VAMP7: variants seen among roughly 807,000 people sequenced by gnomAD.
The protein encoded by VAMP7 is vesicle-associated membrane protein 7.
Under a neutral mutation model 29.6 loss-of-function variants are expected in VAMP7, and 14 were observed. The observed-to-expected ratio is 0.47, with a 90% CI of 0.31 to 0.74. The LOEUF (loss-of-function observed/expected upper bound fraction) is 0.74, where lower values mean the gene tolerates loss of function less well. VAMP7 is among the 30% of genes least tolerant of loss of function. The probability of loss-of-function intolerance (pLI) is 0.05; values close to 1 mark genes in which losing one functional copy is unlikely to be tolerated. For missense variants in VAMP7, 223 were observed against 262.4 expected (o/e 0.85, Z 1.04); for synonymous variants, 95 against 88.1 (o/e 1.08, Z -0.44).
At chrX:155,910,542 A>G (rs1473353808) in intron 5 of VAMP7, among the ~76,000 whole-genome samples, 2 of 149,878 alleles carry the variant, frequency 1.3e-5, no homozygotes, top group Non-Finnish European at 3.0e-5. Flanking sequence ...ACTGGTTTCC[A>G]TAGTAGCTGC....
intron 5 of VAMP7, among the ~76,000 whole-genome samples, chrX:155,915,312 A>G (rs1364639184): frequency 6.6e-6 from 1 of 152,112 alleles, no homozygotes; most frequent in Non-Finnish European, 1.5e-5. Context: ...TCAAAAAACC[A>G]GCTCCTGGAT....
intron 5 of VAMP7, among the ~76,000 whole-genome samples, chrX:155,902,650 C>T (rs1380766438): frequency 7.2e-5 from 11 of 151,988 alleles, no homozygotes; most frequent in East Asian, 1.9e-4. Context: ...TCTTTGGTTC[C>T]GTTTATATGC....
chrX:155,935,947 G>T (rs1338028729), intron 6 of VAMP7, among the ~76,000 whole-genome samples: 3 of 152,100 alleles, frequency 2.0e-5, no homozygotes, highest in Non-Finnish European at 2.9e-5. Context: ...AGGTCTGTTG[G>T]AGTTTGTCGG....
intron 7 of VAMP7, among the ~76,000 whole-genome samples, chrX:155,940,842 A>G (rs1389896169): frequency 6.6e-6 from 1 of 152,164 alleles, no homozygotes; most frequent in African/African-American, 2.4e-5. Flanking sequence ...CTATTCATTA[A>G]TAAACAGAAT....
intron 5 of VAMP7, 62 bp downstream of exon 5, chrX:155,900,649 GT>G: frequency 6.9e-7 from 1 of 1,446,928 alleles, no homozygotes; most frequent in Non-Finnish European, 9.5e-7. Context: ...CTTGACTGGG[GT>G]CAAATTATTC....
chrX:155,923,456 G>A (rs1426793900), intron 6 of VAMP7, among the ~76,000 whole-genome samples: 2 of 151,284 alleles, frequency 1.3e-5, no homozygotes, highest in African/African-American at 4.9e-5. Flanking sequence ...TTTTCACTGA[G>A]TATAGAATTC....
intron 1 of VAMP7, among the ~76,000 whole-genome samples, chrX:155,885,833 G>A (rs1392813219): frequency 6.6e-6 from 1 of 152,172 alleles, no homozygotes; most frequent in African/African-American, 2.4e-5. Context: ...AGGTTTCAGA[G>A]GGAGCATAAC....
At chrX:155,903,968 A>G (rs1207694498) in intron 5 of VAMP7, among the ~76,000 whole-genome samples, 2 of 152,050 alleles carry the variant, frequency 1.3e-5, no homozygotes, top group Non-Finnish European at 2.9e-5. Context: ...ATGTCCAACA[A>G]TGATAGACTG....
intron 5 of VAMP7, among the ~76,000 whole-genome samples, chrX:155,903,287 A>C (rs1569439250): frequency 6.6e-6 from 1 of 152,190 alleles, no homozygotes; most frequent in Admixed American, 6.5e-5. Flanking sequence ...TTCAGGACAT[A>C]GGCATGGGCA....
At position 155,934,613 on chromosome X, in the gene VAMP7, T is replaced by A. The variant is rs751905991; in HGVS notation, c.502-5088T>A. On this transcript the variant is annotated intron_variant, in intron 6 of 7. Transcript: ENST00000286448. ...GTGTGTCTCTGCACATGAGATGGATTTCCTGAATACAGCACACTGATGGGT... is the reference window on the plus strand; with the variant it reads ...GTGTGTCTCTGCACATGAGATGGATATCCTGAATACAGCACACTGATGGGT... Among the ~76,000 whole-genome samples, 10 of 152,280 alleles carry A rather than the reference T, an allele frequency of 6.6e-5. No homozygotes were observed. In the East Asian group the frequency reaches 1.5e-3, roughly 24 times the overall value.
chrX:155,926,237 G>T (rs1417138062), intron 6 of VAMP7, among the ~76,000 whole-genome samples: 1 of 152,140 alleles, frequency 6.6e-6, no homozygotes, highest in Non-Finnish European at 1.5e-5. Flanking sequence ...TTCTCTCTAT[G>T]AAAGTCCTAG....
At chrX:155,927,506 AAATC>A (rs2066487340) in intron 6 of VAMP7, among the ~76,000 whole-genome samples, 1 of 123,796 alleles carries the variant, frequency 8.1e-6, no homozygotes. Context: ...AAAAAAAAAA[AAATC>A]CATGAAGTGC....
intron 2 of VAMP7, among the ~76,000 whole-genome samples, chrX:155,889,965 C>T (rs2065907470): frequency 1.3e-5 from 2 of 152,004 alleles, no homozygotes; most frequent in African/African-American, 4.8e-5. Context: ...TAACTATTGC[C>T]AGGCACTTTG....
At chrX:155,909,793 A>G (rs142284839) in intron 5 of VAMP7, among the ~76,000 whole-genome samples, 38 of 152,284 alleles carry the variant, frequency 2.5e-4, no homozygotes, top group Admixed American at 1.4e-3. Context: ...AAAGAGAGCT[A>G]GCTGTCTAGT....
In VAMP7 at chrX:155,943,692, T is replaced by C. The variant is rs1398849547; in HGVS notation, c.*1741T>C. ...TCCTTGGTCTATTTATGTATAAGAA[T>C]GCTTTTTAAAGCACATGTCTCATTT... On this transcript the variant is annotated 3_prime_UTR_variant, in exon 8 of 8. Coordinates refer to ENST00000286448, the MANE Select transcript of VAMP7 (RefSeq NM_005638.6). 2.0e-5 allele frequency: 3 copies of C among 152,328 alleles called. No homozygotes were observed. The East Asian group carries it at 5.8e-4, about 29-fold the overall frequency. The allele number at this position is 152,328 out of a possible 1,614,324, so 9.4% of individuals were successfully genotyped here.
intron 4 of VAMP7, among the ~76,000 whole-genome samples, chrX:155,900,245 T>C (rs1316312175): frequency 6.6e-6 from 1 of 152,092 alleles, no homozygotes; most frequent in African/African-American, 2.4e-5. Context: ...ATATAATGTT[T>C]ATTTTTATTT....
At chrX:155,917,677 A>C (rs1300134861) in intron 5 of VAMP7, among the ~76,000 whole-genome samples, 1 of 152,050 alleles carries the variant, frequency 6.6e-6, no homozygotes, top group East Asian at 1.9e-4. Context: ...CTTCCTCTGG[A>C]AGCTTCGTCC....
intron 5 of VAMP7, among the ~76,000 whole-genome samples, chrX:155,901,270 A>G (rs1318091866): frequency 6.6e-6 from 1 of 152,068 alleles, no homozygotes; most frequent in Non-Finnish European, 1.5e-5. Flanking sequence ...GGCTATTTAA[A>G]GTGATTTCCT....
rs1351261435 is a variant in VAMP7 at position 155,881,448 on chromosome X, G to C, written c.-10G>C. ...CGCGCCCTCAGAGGGTGCCCGGACA[G>C]GTAAATGGAGTGGGGTGCGCCTGCG... On this transcript the variant is annotated splice_region_variant and 5_prime_UTR_variant, in exon 1 of 8. Transcript: ENST00000286448. The C allele has an allele frequency of 1.2e-5, 1 of 84,180 alleles. No individual in the cohort carries two copies. The highest frequency in any genetic ancestry group is 2.3e-5 in the Non-Finnish European group (1 of 42,888). 5.2% of individuals were successfully genotyped at this position (84,180 alleles called of 1,614,324 possible).
Sources: gnomAD v4.1 joint callset for allele counts (sites outside exome capture counted in the v4.1 genomes callset) on GRCh38, gnomAD v4.1.1 for gene constraint, MANE v1.5 for transcripts, NCBI Gene and HGNC (gene_info 2026-07-23, HGNC 2026-07-21) for gene names.